Variants in STXBP5L observed in about 807,000 individuals in gnomAD.
The protein encoded by STXBP5L is syntaxin binding protein 5L.
Under a neutral mutation model 144.5 loss-of-function variants are expected in STXBP5L, and 65 were observed. The ratio of observed to expected loss-of-function variants is 0.45; its 90% CI spans 0.37 to 0.55. STXBP5L has a LOEUF of 0.55. Ranked by LOEUF, STXBP5L falls within the 20% of genes least tolerant of loss-of-function variation. The pLI, the probability that STXBP5L is intolerant of heterozygous loss-of-function variation, is 0.00. For synonymous variants in STXBP5L, 505 were observed against 469.6 expected, an observed-to-expected ratio of 1.08 and a Z score of -0.97; for missense variants, 1,298 against 1,405.5, an observed-to-expected ratio of 0.92 and a Z score of 1.22.
intron 5 of STXBP5L, among the ~76,000 whole-genome samples, chr3:121,058,582 A>C (rs919449076): frequency 2.6e-5 from 4 of 152,040 alleles, no homozygotes; most frequent in African/African-American, 9.7e-5. Flanking sequence ...ACTAATTTAC[A>C]CTCCCACCAA....
chr3:120,918,862 A>C (rs1017849209), intron 2 of STXBP5L, among the ~76,000 whole-genome samples: 1 of 152,158 alleles, frequency 6.6e-6, no homozygotes, highest in African/African-American at 2.4e-5. Flanking sequence ...TTAATGAAAA[A>C]AATAACTCTT....
chr3:121,105,637 A>G (rs1406353444), intron 5 of STXBP5L, among the ~76,000 whole-genome samples: 1 of 152,156 alleles, frequency 6.6e-6, no homozygotes, highest in Non-Finnish European at 1.5e-5. Flanking sequence ...ACTCTGGTAA[A>G]CAGTATGGAG....
At chr3:120,964,757 G>C (rs1233549300) in intron 3 of STXBP5L, among the ~76,000 whole-genome samples, 5 of 152,138 alleles carry the variant, frequency 3.3e-5, no homozygotes, top group Non-Finnish European at 7.4e-5. Context: ...GTTGATTTGG[G>C]GTGGAGAGTT....
intron 5 of STXBP5L, among the ~76,000 whole-genome samples, chr3:121,096,218 T>C (rs550214321): frequency 6.6e-6 from 1 of 152,320 alleles, no homozygotes; most frequent in African/African-American, 2.4e-5. Flanking sequence ...GGACTGGAGC[T>C]GTTCATATTT....
intron 9 of STXBP5L, among the ~76,000 whole-genome samples, chr3:121,173,776 T>C (rs1459775241): frequency 6.6e-6 from 1 of 152,124 alleles, no homozygotes; most frequent in Non-Finnish European, 1.5e-5. Context: ...GTGTCTGAAA[T>C]GGTGGACAAC....
chr3:121,072,571 C>T lies in STXBP5L; in HGVS notation c.470+27036C>T, dbSNP rs148333420. On this transcript the variant is annotated intron_variant, in intron 5 of 26. Coordinates refer to ENST00000471454, the MANE Select transcript of STXBP5L (RefSeq NM_001308330.2). The stretch of plus-strand genomic sequence containing the variant: ...CCACTAACATCCTTTCTGGTAACTT[C>T]CACTCTCCTGCTCAAACGAAGCCTT... Among the ~76,000 whole-genome samples the T allele has an allele frequency of 3.9e-5, 6 of 152,350 alleles. No homozygotes were observed. The East Asian group carries it at 9.6e-4, about 24-fold the overall frequency.
intron 14 of STXBP5L, among the ~76,000 whole-genome samples, chr3:121,244,818 G>C (rs2049789056): frequency 6.6e-6 from 1 of 151,948 alleles, no homozygotes; most frequent in Non-Finnish European, 1.5e-5. Context: ...CACCAACTTA[G>C]AATGCTATAT....
At chr3:121,008,525 A>T (rs1211557955) in intron 3 of STXBP5L, among the ~76,000 whole-genome samples, 5 of 152,142 alleles carry the variant, frequency 3.3e-5, no homozygotes, top group Admixed American at 2.0e-4. Context: ...ATTACAACTA[A>T]TGGGGATACA....
At chr3:121,370,509 A>C (rs1355315901) in intron 20 of STXBP5L, among the ~76,000 whole-genome samples, 1 of 152,326 alleles carries the variant, frequency 6.6e-6, no homozygotes, top group Admixed American at 6.5e-5. Flanking sequence ...TGAGTTAACT[A>C]AACACCTTTT....
intron 3 of STXBP5L, among the ~76,000 whole-genome samples, chr3:120,968,344 A>G (rs1318819782): frequency 1.3e-5 from 2 of 152,110 alleles, no homozygotes. Flanking sequence ...CCCCTTCATC[A>G]TCATATAATG....
chr3:120,981,568 C>T (rs538452959), intron 3 of STXBP5L, among the ~76,000 whole-genome samples: 7 of 152,140 alleles, frequency 4.6e-5, no homozygotes, highest in East Asian at 3.9e-4. Context: ...AGTAAGTTTT[C>T]GATTCATATT....
intron 3 of STXBP5L, among the ~76,000 whole-genome samples, chr3:120,990,606 A>G (rs1224227108): frequency 1.3e-5 from 2 of 152,204 alleles, no homozygotes; most frequent in Non-Finnish European, 2.9e-5. Flanking sequence ...GTACCAAAAC[A>G]GCATGGTACT....
chr3:121,168,857 C>T (rs759070385), intron 9 of STXBP5L, among the ~76,000 whole-genome samples: 4 of 152,174 alleles, frequency 2.6e-5, no homozygotes, highest in South Asian at 4.1e-4. Context: ...AAAGATACTC[C>T]TCGAGAAGAG....
chr3:121,370,015 G>A (rs939475232), intron 20 of STXBP5L, among the ~76,000 whole-genome samples: 2 of 152,040 alleles, frequency 1.3e-5, no homozygotes, highest in Admixed American at 6.6e-5. Flanking sequence ...GAATAATGGG[G>A]GTGGACTTCC....
intron 19 of STXBP5L, among the ~76,000 whole-genome samples, chr3:121,298,995 C>T (rs2051776565): frequency 6.6e-6 from 1 of 152,018 alleles, no homozygotes; most frequent in African/African-American, 2.4e-5. Context: ...TTATAAGAAC[C>T]TTTGTGAAGT....
intron 5 of STXBP5L, among the ~76,000 whole-genome samples, chr3:121,087,217 T>C (rs2107714387): frequency 6.6e-6 from 1 of 152,226 alleles, no homozygotes; most frequent in East Asian, 1.9e-4. Context: ...TATGATTTTC[T>C]TGCATTCTAT....
At chr3:121,309,253 A>G (rs1187632848) in intron 19 of STXBP5L, among the ~76,000 whole-genome samples, 1 of 152,092 alleles carries the variant, frequency 6.6e-6, no homozygotes, top group Admixed American at 6.5e-5. Context: ...TATGCTGTTT[A>G]TGAGAGAGAT....
chr3:121,019,921 C>T (rs560247130), intron 3 of STXBP5L, among the ~76,000 whole-genome samples: 1 of 152,104 alleles, frequency 6.6e-6, no homozygotes, highest in Non-Finnish European at 1.5e-5. Context: ...CAAACCAAAA[C>T]AAAACCTCTG....
At chr3:121,383,359 T>G (rs2046360650) in intron 22 of STXBP5L, among the ~76,000 whole-genome samples, 1 of 151,850 alleles carries the variant, frequency 6.6e-6, no homozygotes, top group Non-Finnish European at 1.5e-5. Flanking sequence ...ATCTCACCAC[T>G]GCACTCCAGC....
Sources: gnomAD v4.1 joint callset for allele counts (sites outside exome capture counted in the v4.1 genomes callset) on GRCh38, gnomAD v4.1.1 for gene constraint, MANE v1.5 for transcripts, NCBI Gene and HGNC (gene_info 2026-07-23, HGNC 2026-07-21) for gene names.